The following SATB1 variants were observed in gnomAD, a reference collection of about 807,000 sequenced individuals.
The protein encoded by SATB1 is DNA-binding protein SATB1.
SATB1 carries 11 observed loss-of-function variants against 86.9 expected under a neutral mutation model. That is an observed-to-expected ratio of 0.13 (90% CI 0.08 to 0.21). SATB1 has a LOEUF of 0.21. Ranked by LOEUF, SATB1 falls within the 10% of genes least tolerant of loss-of-function variation. SATB1 has a pLI of 1.00. For synonymous variants in SATB1, 357 were observed against 357.2 expected (o/e 1.00, Z 0.01); for missense variants, 551 against 937.6 (o/e 0.59, Z 5.39).
intron 2 of SATB1, 136 bp from the exon 3 acceptor site, chr3:18,417,214 T>C (rs993235401): frequency 1.5e-5 from 12 of 793,260 alleles, no homozygotes; most frequent in Admixed American, 2.6e-5. Context: ...GCAGACTGGG[T>C]ACAGTACAGG....
At chr3:18,353,815 G>T (rs12632414) in intron 9 of SATB1, among the ~76,000 whole-genome samples, 2 of 152,298 alleles carry the variant, frequency 1.3e-5, no homozygotes, top group East Asian at 3.9e-4. Context: ...GACGACTGCT[G>T]TATCTCATGA....
chr3:18,362,860 C>CAA (rs35470564), intron 9 of SATB1, among the ~76,000 whole-genome samples: 1,075 of 32,118 alleles, frequency 0.033, 71 homozygotes, highest in African/African-American at 0.057. Flanking sequence ...ATGCCATGTG[C>CAA]AAAAAAAAAA....
Position 18,420,838 on chromosome 3 carries a change from T to C in SATB1, c.130A>G (p.Arg44Gly). Residue 44 changes from arginine (R) to glycine (G), a missense_variant, in exon 2 of 11, where the codon AGG becomes GGG. Around this residue, in one of 8 missense-constraint regions of SATB1, gnomAD observed 153 missense variants for 258.1 expected, o/e 0.59. Coordinates refer to ENST00000338745, the MANE Select transcript of SATB1 (RefSeq NM_002971.6). ...EQNGSPLGRG[R>G]LGSTGAKMQG... ...ATTTTTGCACCTGTACTCCCAAGCCTTCCTCTTCCTAGCGGGCTCCCGTTC... is the reference window on the plus strand; with the variant it reads ...ATTTTTGCACCTGTACTCCCAAGCCCTCCTCTTCCTAGCGGGCTCCCGTTC... 6.2e-7 allele frequency: 1 copy of C among 1,614,168 alleles called. No homozygotes were observed. The highest frequency in any genetic ancestry group is 8.5e-7 in the Non-Finnish European group (1 of 1,180,022).
intron 9 of SATB1, among the ~76,000 whole-genome samples, chr3:18,368,666 T>C (rs1234263238): frequency 1.3e-5 from 2 of 152,148 alleles, no homozygotes; most frequent in Non-Finnish European, 2.9e-5. Context: ...CCATTCTAAG[T>C]AGCTTCCAAG....
rs113512107 is a variant in SATB1, at chr3:18,408,192, A to G, written c.639+6919T>C. On this transcript the variant is annotated intron_variant, in intron 5 of 10. Coordinates refer to ENST00000338745, the MANE Select transcript of SATB1 (RefSeq NM_002971.6). ...TTTTTAAGAGAGAAAGATGATGACTAAAGAGAACAAAGTTTCAGAGTAAGA... is the reference window on the plus strand; with the variant it reads ...TTTTTAAGAGAGAAAGATGATGACTGAAGAGAACAAAGTTTCAGAGTAAGA... Among the ~76,000 whole-genome samples the G allele has an allele frequency of 3.0e-3, 455 of 152,162 alleles. 3 individuals carry two copies. Among genetic ancestry groups the G allele is most frequent in the African/African-American group, 0.01 (429 of 41,546 alleles).
chr3:18,414,739 T>C (rs1010602207), intron 5 of SATB1, among the ~76,000 whole-genome samples: 3 of 152,072 alleles, frequency 2.0e-5, no homozygotes, highest in African/African-American at 7.2e-5. Context: ...ACACTGCCAT[T>C]CCCTCTCACC....
chr3:18,369,885 C>T (rs150160463), intron 9 of SATB1, among the ~76,000 whole-genome samples: 27 of 152,268 alleles, frequency 1.8e-4, no homozygotes, highest in African/African-American at 5.5e-4. Context: ...CTGATTAAGC[C>T]GGAGTGCCAC....
At chr3:18,389,479 T>C (rs1696527373) in intron 7 of SATB1, among the ~76,000 whole-genome samples, 1 of 152,082 alleles carries the variant, frequency 6.6e-6, no homozygotes, top group Non-Finnish European at 1.5e-5. Flanking sequence ...CTTGAATAGC[T>C]GCACTCATAT....
At chr3:18,380,922 T>C in intron 8 of SATB1, among the ~76,000 whole-genome samples, 1 of 152,326 alleles carries the variant, frequency 6.6e-6, no homozygotes, top group East Asian at 1.9e-4. Flanking sequence ...TATCACACAT[T>C]AAAATTCATA....
At chr3:18,403,611 T>C (rs145679086) in intron 5 of SATB1, among the ~76,000 whole-genome samples, 65 of 152,182 alleles carry the variant, frequency 4.3e-4, no homozygotes, top group African/African-American at 1.6e-3. Context: ...CTAAAATAAT[T>C]GTTTTCTGAA....
At chr3:18,442,994 G>C (rs1301478656), upstream of SATB1, among the ~76,000 whole-genome samples, 1 of 152,198 alleles carries the variant, frequency 6.6e-6, no homozygotes. Flanking sequence ...GGTTTTTAGA[G>C]CAAACACCTC....
chr3:18,353,976 G>C (rs1166241923), intron 9 of SATB1, among the ~76,000 whole-genome samples: 2 of 152,186 alleles, frequency 1.3e-5, no homozygotes, highest in African/African-American at 4.8e-5. Context: ...CTGAAAGACT[G>C]TTAGCTAAAT....
intron 3 of SATB1, 34 bp downstream of exon 3, chr3:18,416,868 G>A (rs1349713369): frequency 2.6e-6 from 4 of 1,552,992 alleles, no homozygotes. Context: ...AGAATGCTAA[G>A]CAATTTTTCC....
At chr3:18,355,317 T>G (rs1339399377) in intron 9 of SATB1, among the ~76,000 whole-genome samples, 1 of 152,090 alleles carries the variant, frequency 6.6e-6, no homozygotes, top group East Asian at 1.9e-4. Context: ...CTAATGCTAT[T>G]TAAATACCTT....
intron 9 of SATB1, among the ~76,000 whole-genome samples, chr3:18,373,713 C>A (rs1325296122): frequency 6.6e-6 from 1 of 152,064 alleles, no homozygotes; most frequent in African/African-American, 2.4e-5. Flanking sequence ...TCTCTCTCAT[C>A]CTAGGGGCCA....
chr3:18,414,160 C>G (rs1698003350), intron 5 of SATB1, among the ~76,000 whole-genome samples: 1 of 152,026 alleles, frequency 6.6e-6, no homozygotes, highest in Non-Finnish European at 1.5e-5. Flanking sequence ...CATTAAAAAT[C>G]TGGTAAAAAT....
chr3:18,419,239 T>C (rs1315944018), intron 2 of SATB1, among the ~76,000 whole-genome samples: 1 of 152,188 alleles, frequency 6.6e-6, no homozygotes, highest in Non-Finnish European at 1.5e-5. Flanking sequence ...GGAGTAATGC[T>C]GAACACAAGC....
upstream of SATB1, among the ~76,000 whole-genome samples, chr3:18,441,780 T>G (rs184996743): frequency 3.9e-5 from 6 of 152,294 alleles, no homozygotes; most frequent in East Asian, 1.2e-3. Context: ...ACCTGTCATA[T>G]GAAAAAGAAC....
At position 18,352,058 on chromosome 3, in the gene SATB1, G is replaced by A; in HGVS notation, c.1713C>T (p.Ser571=). Residue 571 remains serine, a synonymous_variant, in exon 10 of 11, where the codon AGC becomes AGT. Coordinates refer to ENST00000338745, the MANE Select transcript of SATB1 (RefSeq NM_002971.6). The surrounding 1 kb of genome is among the most constrained non-coding windows in gnomAD (Gnocchi z 4.1). ...PERDAIYEQE[S]NAVHHHGDRP... ...TGTCGCCATGGTGATGCACCGCGTT[G>A]CTCTCCTGTTCATAAATGGCATCAC... The A allele has an allele frequency of 6.2e-7, 1 of 1,614,204 alleles. No individual in the cohort carries two copies. The highest frequency in any genetic ancestry group is 2.2e-5 in the East Asian group (1 of 44,878).
Sources: allele counts gnomAD v4.1 joint callset (sites outside exome capture counted in the v4.1 genomes callset), GRCh38; gene constraint gnomAD v4.1.1; regional missense constraint gnomAD v4.1.1; non-coding constraint Gnocchi (gnomAD v3.1); transcripts MANE v1.5; gene names NCBI Gene and HGNC (gene_info 2026-07-23, HGNC 2026-07-21).